CRACDL: variants seen among roughly 807,000 people sequenced by gnomAD.
CRACDL encodes the protein CRACD-like protein.
Under a neutral mutation model 70.6 loss-of-function variants are expected in CRACDL, and 26 were observed. That is an observed-to-expected ratio of 0.37 (90% CI 0.27 to 0.51). CRACDL has a LOEUF of 0.51. CRACDL is among the 20% of genes least tolerant of loss of function. The pLI is 0.94. For missense variants in CRACDL, 1,283 were observed against 1,376.9 expected, an observed-to-expected ratio of 0.93 and a Z score of 1.08; for synonymous variants, 618 against 615.2, an observed-to-expected ratio of 1.00 and a Z score of -0.07.
intron 1 of CRACDL, among the ~76,000 whole-genome samples, chr2:98,875,191 G>C (rs929964212): frequency 1.3e-5 from 2 of 152,174 alleles, no homozygotes; most frequent in Non-Finnish European, 2.9e-5. Flanking sequence ...ACGGCCCCCC[G>C]CCCATGTACA....
At chr2:98,797,766 G>A (rs1023158946) in intron 7 of CRACDL, among the ~76,000 whole-genome samples, 7 of 152,038 alleles carry the variant, frequency 4.6e-5, no homozygotes, top group African/African-American at 1.2e-4. Context: ...CTATAGGGTC[G>A]GTGTGTACTT....
At chr2:98,928,987 C>T (rs1457658528) in intron 1 of CRACDL, among the ~76,000 whole-genome samples, 1 of 152,110 alleles carries the variant, frequency 6.6e-6, no homozygotes, top group Non-Finnish European at 1.5e-5. Flanking sequence ...TGACTCAGAC[C>T]TTCAAGGGAG....
At chr2:98,862,373 C>T (rs934194984) in intron 1 of CRACDL, among the ~76,000 whole-genome samples, 5 of 151,998 alleles carry the variant, frequency 3.3e-5, no homozygotes, top group African/African-American at 1.2e-4. Flanking sequence ...TTTTCCACAA[C>T]AAAAAATCAC....
chr2:98,900,839 T>C (rs920497161), intron 1 of CRACDL, among the ~76,000 whole-genome samples: 2 of 152,088 alleles, frequency 1.3e-5, no homozygotes, highest in African/African-American at 4.8e-5. Flanking sequence ...CACAGCCTCG[T>C]TGGGCAGAGC....
At position 98,803,349 on chromosome 2, in the gene CRACDL, G is replaced by A. The variant is rs181563769; in HGVS notation, c.2417-5812C>T. ...TTAATTTTTGTAGAGATGGGGTCTC[G>A]CTATGTCACCCAGGCTGGTCTCCAA... On this transcript the variant is annotated intron_variant, in intron 7 of 9. Transcript: ENST00000397899. Among the ~76,000 whole-genome samples the A allele has an allele frequency of 5.0e-3, 753 of 152,030 alleles. 1 individual carries two copies. The highest frequency in any genetic ancestry group is 0.016 in the African/African-American group (675 of 41,454).
intron 1 of CRACDL, among the ~76,000 whole-genome samples, chr2:98,879,825 C>T (rs1454204991): frequency 2.0e-5 from 3 of 152,244 alleles, no homozygotes; most frequent in Admixed American, 2.0e-4. Context: ...GGACTACAGG[C>T]GTGAGCCACT....
chr2:98,870,737 C>A lies in CRACDL; in HGVS notation c.-10-23927G>T, dbSNP rs1283108145. Among the ~76,000 whole-genome samples the A allele has an allele frequency of 2.0e-5, 3 of 152,284 alleles. No homozygotes were observed. In the East Asian group the frequency reaches 5.8e-4, roughly 29 times the overall value. On this transcript the variant is annotated intron_variant, in intron 1 of 9. Coordinates refer to ENST00000397899, the MANE Select transcript of CRACDL (RefSeq NM_207362.3). ...GGCAATTCCACCCCATTCGGTGGGC[C>A]GGGTTGAGCATGCAGCTTGCCTCTG...
chr2:98,845,740 G>A (rs1369200635), intron 2 of CRACDL, among the ~76,000 whole-genome samples: 1 of 152,098 alleles, frequency 6.6e-6, no homozygotes, highest in African/African-American at 2.4e-5. Context: ...TTTACAATAA[G>A]TAATAATTCA....
chr2:98,934,630 T>C (rs1245562648), intron 1 of CRACDL, among the ~76,000 whole-genome samples: 2 of 152,152 alleles, frequency 1.3e-5, no homozygotes, highest in Non-Finnish European at 1.5e-5. Flanking sequence ...GTACACTTTA[T>C]TTTATAAGTG....
At chr2:98,795,075 A>ATTTTTTTTTTTTTTTTT (rs1310155610) in intron 9 of CRACDL, among the ~76,000 whole-genome samples, 2 of 24,454 alleles carry the variant, frequency 8.2e-5, no homozygotes, top group Non-Finnish European at 9.6e-5. Context: ...ATATATATAT[A>ATTTTTTTTTTTTTTTTT]TATTTTTTTT....
chr2:98,903,556 C>T (rs949245468), intron 1 of CRACDL, among the ~76,000 whole-genome samples: 19 of 152,138 alleles, frequency 1.2e-4, no homozygotes, highest in South Asian at 2.1e-4. Flanking sequence ...TTCCACCTTG[C>T]GGAAGAAACC....
intron 1 of CRACDL, among the ~76,000 whole-genome samples, chr2:98,871,803 T>C (rs889047588): frequency 6.6e-6 from 1 of 152,146 alleles, no homozygotes; most frequent in African/African-American, 2.4e-5. Flanking sequence ...CTAGAAATCA[T>C]GATACAGGAA....
intron 1 of CRACDL, among the ~76,000 whole-genome samples, chr2:98,889,524 A>G (rs1707907843): frequency 6.6e-6 from 1 of 152,184 alleles, no homozygotes; most frequent in Non-Finnish European, 1.5e-5. Flanking sequence ...AAAATACATG[A>G]AGCAAAGCTG....
rs369975254 is a variant in CRACDL, at chr2:98,823,535, G to A, written c.738C>T (p.Arg246=). 13 of 1,573,362 alleles carry A rather than the reference G, an allele frequency of 8.3e-6. No homozygotes were observed. The highest frequency in any genetic ancestry group is 2.7e-5 in the African/African-American group (2 of 74,056). The change falls in exon 7 of 10, where the codon CGC becomes CGT. Residue 246 remains arginine, a splice_region_variant and synonymous_variant. Transcript: ENST00000397899. This position sits in a 1 kb window ranked among gnomAD's most constrained non-coding sequence, Gnocchi z 4.0. ...RSSKMRRLSS[R]AQSESLSDLT... is the part of the protein sequence containing the mutation. Reference sequence around the variant, plus strand: ...GGTCGCTCAGGGATTCAGACTGAGCGCGCTGAGAGAAATAAAGATAAAAAG... The same window carrying A: ...GGTCGCTCAGGGATTCAGACTGAGCACGCTGAGAGAAATAAAGATAAAAAG...
Position 98,823,590 on chromosome 2 carries a change from C to G in CRACDL, c.736-53G>C, listed in dbSNP as rs1705190553. 1 of 1,534,936 alleles carries G rather than the reference C, an allele frequency of 6.5e-7. No individual in the cohort carries two copies. Among genetic ancestry groups the G allele is most frequent in the Non-Finnish European group, 8.7e-7 (1 of 1,146,008 alleles). ...GTCGCTATAGCCAATTCCAGGAAGC[C>G]TGTCACCTCCCCACTTTTTTCAAGG... On this transcript the variant is annotated intron_variant, in intron 6 of 9. Transcript: ENST00000397899. The surrounding 1 kb of genome is among the most constrained non-coding windows in gnomAD (Gnocchi z 4.0).
chr2:98,902,368 C>T (rs917988224), intron 1 of CRACDL, among the ~76,000 whole-genome samples: 17 of 152,134 alleles, frequency 1.1e-4, no homozygotes, highest in African/African-American at 3.6e-4. Context: ...GCCTCTCAGC[C>T]AGGAAACATA....
At chr2:98,905,142 C>G (rs1348084798) in intron 1 of CRACDL, among the ~76,000 whole-genome samples, 1 of 149,936 alleles carries the variant, frequency 6.7e-6, no homozygotes, top group African/African-American at 2.5e-5. Context: ...CCCAGCTACT[C>G]GGGAGGCTGA....
chr2:98,931,675 A>G (rs530648396), intron 1 of CRACDL, among the ~76,000 whole-genome samples: 1 of 152,336 alleles, frequency 6.6e-6, no homozygotes, highest in African/African-American at 2.4e-5. Flanking sequence ...TGCACTTTTC[A>G]AAACGAACTT....
chr2:98,825,748 C>G (rs757075716), intron 6 of CRACDL, among the ~76,000 whole-genome samples: 1 of 152,236 alleles, frequency 6.6e-6, no homozygotes, highest in Non-Finnish European at 1.5e-5. Context: ...TATCCTGGTT[C>G]CTAGCTGGCA....
Sources: gnomAD v4.1 joint callset for allele counts (sites outside exome capture counted in the v4.1 genomes callset) on GRCh38, gnomAD v4.1.1 for gene constraint, Gnocchi (gnomAD v3.1) non-coding constraint, MANE v1.5 for transcripts, NCBI Gene and HGNC (gene_info 2026-07-23, HGNC 2026-07-21) for gene names.